The following NDFIP1 variants were observed in gnomAD, a reference collection of about 807,000 sequenced individuals.
NDFIP1 encodes the protein NEDD4 family-interacting protein 1.
Under a neutral mutation model 28.8 loss-of-function variants are expected in NDFIP1, and 7 were observed. That is an observed-to-expected ratio of 0.24 (90% CI 0.14 to 0.46). The LOEUF is 0.46. Ranked by LOEUF, NDFIP1 falls within the 20% of genes least tolerant of loss-of-function variation. The pLI, the probability that NDFIP1 is intolerant of heterozygous loss-of-function variation, is 0.99. For missense variants in NDFIP1, 194 were observed against 269.1 expected (o/e 0.72, Z 1.95); for synonymous variants, 92 against 101.0 (o/e 0.91, Z 0.53).
intron 7 of NDFIP1, among the ~76,000 whole-genome samples, chr5:142,147,964 A>G (rs1351873618): frequency 1.3e-5 from 2 of 152,176 alleles, no homozygotes; most frequent in Non-Finnish European, 2.9e-5. Flanking sequence ...TGTTCCCAAA[A>G]GCTTTATTTT....
At chr5:142,131,983 C>A (rs982301945) in intron 2 of NDFIP1, 88 bp downstream of exon 2, 6 of 1,297,140 alleles carry the variant, frequency 4.6e-6, no homozygotes, top group South Asian at 3.0e-5. Flanking sequence ...GCTTCAGAAG[C>A]AGTTGGAAGA....
rs1757461673 is a variant in NDFIP1, at chr5:142,152,862, G to A, written c.*1134G>A. The A allele has an allele frequency of 5.6e-6, 1 of 177,284 alleles. No homozygotes were observed. The highest frequency in any genetic ancestry group is 1.2e-5 in the Non-Finnish European group (1 of 83,076). 11.0% of individuals were successfully genotyped at this position (177,284 alleles called of 1,614,324 possible). Reference sequence around the variant, plus strand: ...TTTTCTAATCTTAGGGAATCATTCAGTAGATGCGATTAAAAAACTAATGTT... The same window carrying A: ...TTTTCTAATCTTAGGGAATCATTCAATAGATGCGATTAAAAAACTAATGTT... On this transcript the variant is annotated 3_prime_UTR_variant, in exon 8 of 8. Transcript: ENST00000253814.
At chr5:142,120,392 G>C (rs966298295) in intron 1 of NDFIP1, among the ~76,000 whole-genome samples, 1 of 152,134 alleles carries the variant, frequency 6.6e-6, no homozygotes, top group Non-Finnish European at 1.5e-5. Context: ...GCTTTTGGGG[G>C]ATACAAAACA....
Position 142,152,964 on chromosome 5 carries a change from G to T in NDFIP1, c.*1236G>T. The stretch of plus-strand genomic sequence containing the variant: ...TAAATACATTCCTAAAAATGTATTT[G>T]AACATTGGTTCTGTAAAAGATAATG... On this transcript the variant is annotated 3_prime_UTR_variant, in exon 8 of 8. Coordinates refer to ENST00000253814, the MANE Select transcript of NDFIP1 (RefSeq NM_030571.4). 1 of 256,394 alleles carries T rather than the reference G, an allele frequency of 3.9e-6. No homozygotes were observed. The highest frequency in any genetic ancestry group is 7.7e-6 in the Non-Finnish European group (1 of 129,364). The allele number at this position is 256,394 out of a possible 1,614,324, so 15.9% of individuals were successfully genotyped here.
At position 142,110,898 on chromosome 5, in the gene NDFIP1, G is replaced by C. The variant is rs559785614; in HGVS notation, c.63+1861G>C. On this transcript the variant is annotated intron_variant, in intron 1 of 7. Transcript: ENST00000253814. Reference sequence around the variant, plus strand: ...TTCATACCAAACCCTTATGAACCAGGGTTTGTTCTCATTGTCAAAGACTCA... The same window carrying C: ...TTCATACCAAACCCTTATGAACCAGCGTTTGTTCTCATTGTCAAAGACTCA... Among the ~76,000 whole-genome samples, 98 of 151,380 alleles carry C rather than the reference G, an allele frequency of 6.5e-4. No individual in the cohort carries two copies. The Middle Eastern group carries it at 0.014, about 21-fold the overall frequency.
intron 1 of NDFIP1, among the ~76,000 whole-genome samples, chr5:142,109,666 GC>G (rs1469988589): frequency 6.6e-6 from 1 of 152,220 alleles, no homozygotes; most frequent in Non-Finnish European, 1.5e-5. Context: ...CAGGGCGTGT[GC>G]CGGGTGTATT....
intron 1 of NDFIP1, among the ~76,000 whole-genome samples, chr5:142,111,552 A>G (rs1316956273): frequency 6.6e-6 from 1 of 152,194 alleles, no homozygotes; most frequent in Admixed American, 6.5e-5. Flanking sequence ...TTGTCCAGGC[A>G]ACTTGATAGG....
chr5:142,123,232 G>A (rs1335469310), intron 1 of NDFIP1, among the ~76,000 whole-genome samples: 2 of 152,102 alleles, frequency 1.3e-5, no homozygotes, highest in Non-Finnish European at 2.9e-5. Flanking sequence ...CAAAGTGCTG[G>A]TATTACAGGC....
rs535977433 is a variant in NDFIP1 at position 142,153,277 on chromosome 5, A to G, written c.*1549A>G. On this transcript the variant is annotated 3_prime_UTR_variant, in exon 8 of 8. Coordinates refer to ENST00000253814, the MANE Select transcript of NDFIP1 (RefSeq NM_030571.4). ...AGCCATTTGATTTTTTTCATTTTCT[A>G]TTTAAGAAATATGAAGAAAAAATAC... The G allele has an allele frequency of 3.4e-4, 155 of 455,988 alleles. No homozygotes were observed. Among genetic ancestry groups the G allele is most frequent in the South Asian group, 2.3e-3 (148 of 64,420 alleles). The allele number at this position is 455,988 out of a possible 1,614,324, so 28.2% of individuals were successfully genotyped here. A position where few individuals can be genotyped will look rare whatever the true frequency, so the allele number is the denominator to read the frequency against.
intron 1 of NDFIP1, among the ~76,000 whole-genome samples, chr5:142,130,045 G>A (rs1484306669): frequency 6.6e-6 from 1 of 152,120 alleles, no homozygotes; most frequent in Non-Finnish European, 1.5e-5. Flanking sequence ...ATGGTTTAGA[G>A]GTGGTATGTA....
At chr5:142,119,873 A>G (rs1335942443) in intron 1 of NDFIP1, among the ~76,000 whole-genome samples, 1 of 152,236 alleles carries the variant, frequency 6.6e-6, no homozygotes, top group Non-Finnish European at 1.5e-5. Flanking sequence ...TGAAAGCGCT[A>G]CAGATAAAAC....
chr5:142,112,588 G>A (rs1757026190), intron 1 of NDFIP1, among the ~76,000 whole-genome samples: 1 of 144,792 alleles, frequency 6.9e-6, no homozygotes, highest in South Asian at 2.2e-4. Context: ...TCAGGAGATC[G>A]AGACCATCCT....
Position 142,150,828 on chromosome 5 carries a change from G to A in NDFIP1, c.*3-903G>A, listed in dbSNP as rs1361281522. 2.0e-5 allele frequency among the ~76,000 whole-genome samples: 3 copies of A among 152,226 alleles called. No individual in the cohort carries two copies. The East Asian group carries it at 5.8e-4, about 29-fold the overall frequency. ...AAGTAAGTTATAGGCCGATATTTGA[G>A]CCCATCCAACTCTCACTTCTTGCTG... On this transcript the variant is annotated intron_variant, in intron 7 of 7. Transcript: ENST00000253814.
At chr5:142,112,662 G>A (rs777625240) in intron 1 of NDFIP1, among the ~76,000 whole-genome samples, 11 of 147,950 alleles carry the variant, frequency 7.4e-5, no homozygotes, top group Non-Finnish European at 1.3e-4. Context: ...GTGGTGGCAC[G>A]TGCCTGTAGT....
chr5:142,150,106 G>A (rs1327617529), intron 7 of NDFIP1, among the ~76,000 whole-genome samples: 3 of 150,866 alleles, frequency 2.0e-5, no homozygotes, highest in Admixed American at 6.6e-5. Flanking sequence ...GCATGAACCC[G>A]GGGGGCGGAG....
chr5:142,124,572 G>A (rs1011515215), intron 1 of NDFIP1, among the ~76,000 whole-genome samples: 3 of 152,080 alleles, frequency 2.0e-5, no homozygotes, highest in Non-Finnish European at 2.9e-5. Flanking sequence ...CTTTACAAAC[G>A]GTTAGCTTTG....
chr5:142,135,300 A>G (rs890516602), intron 3 of NDFIP1, among the ~76,000 whole-genome samples: 1 of 152,164 alleles, frequency 6.6e-6, no homozygotes, highest in African/African-American at 2.4e-5. Context: ...AATTACTAAT[A>G]TTTTAGGTCC....
At chr5:142,114,928 G>A (rs1757050272) in intron 1 of NDFIP1, among the ~76,000 whole-genome samples, 1 of 152,178 alleles carries the variant, frequency 6.6e-6, no homozygotes, top group African/African-American at 2.4e-5. Context: ...CATACTATCT[G>A]TGTCCTGAAA....
chr5:142,147,813 A>G lies in NDFIP1; in HGVS notation c.*2+3137A>G, dbSNP rs1429922806. 5.3e-5 allele frequency among the ~76,000 whole-genome samples: 8 copies of G among 152,374 alleles called. No individual in the cohort carries two copies. The East Asian group carries it at 1.3e-3, about 26-fold the overall frequency. On this transcript the variant is annotated intron_variant, in intron 7 of 7. Coordinates refer to ENST00000253814, the MANE Select transcript of NDFIP1 (RefSeq NM_030571.4). The stretch of plus-strand genomic sequence containing the variant: ...ACTCCTGCTGAGGAAAATCACTGGT[A>G]AACTAGTGACTACTCTGCTAAATTG...
Sources: allele counts gnomAD v4.1 joint callset (sites outside exome capture counted in the v4.1 genomes callset), GRCh38; gene constraint gnomAD v4.1.1; transcripts MANE v1.5; gene names NCBI Gene and HGNC (gene_info 2026-07-23, HGNC 2026-07-21).